FBRSL1: variants seen among roughly 807,000 people sequenced by gnomAD.
FBRSL1 encodes fibrosin-1-like protein.
Under a neutral mutation model 89.6 loss-of-function variants are expected in FBRSL1, and 51 were observed. The observed-to-expected ratio is 0.57, with a 90% confidence interval of 0.45 to 0.72. The LOEUF (loss-of-function observed/expected upper bound fraction) is 0.72. FBRSL1 is among the 30% of genes least tolerant of loss of function. FBRSL1 has a pLI of 0.00. For synonymous variants in FBRSL1, 779 were observed against 681.1 expected (o/e 1.14, Z -2.24); for missense variants, 1,618 against 1,451.8 (o/e 1.11, Z -1.86).
chr12:132,511,051 T>G, intron 2 of FBRSL1: 1 of 985,876 alleles, frequency 1.0e-6, no homozygotes, highest in Non-Finnish European at 1.2e-6. Flanking sequence ...TGGCGAATGG[T>G]GAAGGTGTGG....
At chr12:132,495,231 GA>G (rs1377628117) in intron 1 of FBRSL1, among the ~76,000 whole-genome samples, 1 of 152,256 alleles carries the variant, frequency 6.6e-6, no homozygotes, top group African/African-American at 2.4e-5. Flanking sequence ...GGGCTTCACA[GA>G]GGGGCCAGGG....
chr12:132,510,907 G>A (rs1014420758), intron 2 of FBRSL1: 40 of 1,001,938 alleles, frequency 4.0e-5, no homozygotes, highest in Non-Finnish European at 4.6e-5. Flanking sequence ...TGCCCCTGGC[G>A]TGCCACCTGT....
At chr12:132,529,822 G>A (rs957055397) in intron 4 of FBRSL1, among the ~76,000 whole-genome samples, 7 of 152,078 alleles carry the variant, frequency 4.6e-5, no homozygotes, top group African/African-American at 9.7e-5. Flanking sequence ...CCCAGAGTCC[G>A]TGAGCTGTTG....
intron 14 of FBRSL1, among the ~76,000 whole-genome samples, chr12:132,575,277 G>T (rs983482448): frequency 3.0e-4 from 45 of 152,346 alleles, no homozygotes; most frequent in Non-Finnish European, 6.3e-4. Flanking sequence ...GCCCAGGCTG[G>T]AGTGCAGTGG....
chr12:132,570,377 G>A lies in FBRSL1; in HGVS notation c.1050G>A (p.Ser350=), dbSNP rs773359202. The part of the protein sequence containing the change: ...SAPLGLGKHV[S]LSPHGPGPHL... The stretch of plus-strand genomic sequence containing the variant: ...CCCTGGGCCTGGGGAAGCACGTGTC[G>A]CTGTCGCCACACGGGCCGGGCCCCC... The change falls in exon 8 of 19, where the codon TCG becomes TCA. Residue 350 remains serine, a synonymous_variant. Coordinates refer to ENST00000680143, the MANE Select transcript of FBRSL1 (RefSeq NM_001367871.1). 159 of 1,533,702 alleles carry A rather than the reference G, an allele frequency of 1.0e-4. No homozygotes were observed. The highest frequency in any genetic ancestry group is 9.8e-4 in the African/African-American group (71 of 72,750).
chr12:132,511,558 C>G (rs1267566910), intron 2 of FBRSL1: 2 of 985,558 alleles, frequency 2.0e-6, no homozygotes, highest in Non-Finnish European at 2.4e-6. Context: ...CTCAGGGGAG[C>G]TGGGCAGGCT....
intron 2 of FBRSL1, chr12:132,511,183 C>G (rs2034296652): frequency 1.0e-6 from 1 of 985,356 alleles, no homozygotes; most frequent in Non-Finnish European, 1.2e-6. Flanking sequence ...GACCCGGAGG[C>G]TCCCACCCCC....
At chr12:132,523,270 G>A (rs1367173178) in intron 2 of FBRSL1, among the ~76,000 whole-genome samples, 1 of 152,216 alleles carries the variant, frequency 6.6e-6, no homozygotes, top group East Asian at 1.9e-4. Context: ...TGGGGACAGA[G>A]TGGGGTGACC....
intron 9 of FBRSL1, 46 bp from the exon 10 acceptor site, chr12:132,572,242 C>CGG: frequency 2.0e-6 from 3 of 1,528,464 alleles, no homozygotes; most frequent in Non-Finnish European, 1.8e-6. Flanking sequence ...GGCCCAGCAA[C>CGG]GGTGTCGTGT....
At chr12:132,538,617 G>A (rs1474685264) in intron 4 of FBRSL1, among the ~76,000 whole-genome samples, 5 of 152,236 alleles carry the variant, frequency 3.3e-5, no homozygotes, top group Non-Finnish European at 7.3e-5. Flanking sequence ...ATGGGGCCTT[G>A]GCACTGTGGG....
At position 132,563,966 on chromosome 12, in the gene FBRSL1, G is replaced by A. The variant is rs115264536; in HGVS notation, c.646-3515G>A. On this transcript the variant is annotated intron_variant, in intron 5 of 18. Coordinates refer to ENST00000680143, the MANE Select transcript of FBRSL1 (RefSeq NM_001367871.1). ...CTACGTCTGTACACCCACCCCCGTC[G>A]CCCCGAACCCCTGAGCTCCTGTGCA... Among the ~76,000 whole-genome samples the A allele has an allele frequency of 6.1e-3, 837 of 138,076 alleles. 8 individuals are homozygous for A. Among genetic ancestry groups the A allele is most frequent in the African/African-American group, 0.022 (804 of 36,980 alleles). 90.6% of individuals were successfully genotyped at this position (138,076 alleles called of 152,430 possible). A position where few individuals can be genotyped will look rare whatever the true frequency, so the allele number is the denominator to read the frequency against.
At chr12:132,520,179 T>TACCCCTCCAGCACACCCTCCTTGC (rs1458441635) in intron 2 of FBRSL1, among the ~76,000 whole-genome samples, 3 of 88,122 alleles carry the variant, frequency 3.4e-5, no homozygotes, top group East Asian at 3.1e-4. Flanking sequence ...ACCCTCCTTG[T>TACCCCTCCAGCACACCCTCCTTGC]ACCCCTCCAG....
Position 132,581,725 on chromosome 12 carries a change from G to A in FBRSL1, c.1913-16G>A, listed in dbSNP as rs962280401. On this transcript the variant is annotated splice_polypyrimidine_tract_variant and intron_variant, in intron 16 of 18. Coordinates refer to ENST00000680143, the MANE Select transcript of FBRSL1 (RefSeq NM_001367871.1). ...CACGCCTCACAGACCTCTGGGTCCC[G>A]CGGTTGCCCCCACAGACCCTTTCAG... 2.8e-5 allele frequency: 43 copies of A among 1,549,726 alleles called. No homozygotes were observed. The highest frequency in any genetic ancestry group is 1.7e-4 in the Middle Eastern group (1 of 6,010).
intron 2 of FBRSL1, among the ~76,000 whole-genome samples, chr12:132,521,909 T>C (rs951992781): frequency 5.3e-5 from 8 of 152,282 alleles, no homozygotes; most frequent in African/African-American, 1.9e-4. Context: ...AGTGCGTGCT[T>C]AGAGCCTTGG....
At chr12:132,565,974 G>A (rs529675704) in intron 5 of FBRSL1, 5 of 152,316 alleles carry the variant, frequency 3.3e-5, no homozygotes, top group African/African-American at 1.2e-4. Context: ...GTAATGGATC[G>A]TGGTGACAGG....
Position 132,582,227 on chromosome 12 carries a change from A to G in FBRSL1, c.2162A>G (p.His721Arg). 2 of 1,550,136 alleles carry G rather than the reference A, an allele frequency of 1.3e-6. No individual in the cohort carries two copies. The highest frequency in any genetic ancestry group is 1.7e-6 in the Non-Finnish European group (2 of 1,146,850). ...DAERVSALTN[H>R]DREPDNGKEE... ...GAGCGGGTGTCAGCCCTGACCAACC[A>G]TGACCGAGAGCCGGACAATGGCAAG... Residue 721 changes from histidine (H) to arginine (R), a missense_variant, in exon 18 of 19, where the codon CAT becomes CGT. By Grantham distance (29) the His-to-Arg change is conservative. Coordinates refer to ENST00000680143, the MANE Select transcript of FBRSL1 (RefSeq NM_001367871.1).
At chr12:132,511,100 C>T in intron 2 of FBRSL1, 1 of 985,544 alleles carries the variant, frequency 1.0e-6, no homozygotes, top group South Asian at 4.7e-5. Context: ...TCAGGAGGTG[C>T]TGGTGTCCAC....
chr12:132,531,659 CGTT>C (rs1286575174), intron 4 of FBRSL1, among the ~76,000 whole-genome samples: 2 of 145,818 alleles, frequency 1.4e-5, no homozygotes, highest in Non-Finnish European at 3.0e-5. Flanking sequence ...GTGCACTTGG[CGTT>C]GTGTGTTGTG....
Position 132,571,122 on chromosome 12 carries a change from C to T in FBRSL1, c.1268C>T (p.Ser423Leu). Residue 423 changes from serine to leucine, a missense_variant, in exon 9 of 19, where the codon TCG (serine) becomes TTG (leucine). Ser to Leu is a moderately radical substitution (Grantham distance 145). Transcript: ENST00000680143. ...CCAATCATGTATTGCCAGCCTCATT[C>T]GGGAATTCTGATTGGTACTTGGTCA... is the stretch of plus-strand genomic sequence containing the variant. ...SQPIMYCQPH[S>L]GILIGTWSQA... 1.5e-6 allele frequency: 2 copies of T among 1,371,554 alleles called. No individual in the cohort carries two copies. The highest frequency in any genetic ancestry group is 9.4e-7 in the Non-Finnish European group (1 of 1,063,918). The allele number at this position is 1,371,554 out of a possible 1,614,324, so 85.0% of individuals were successfully genotyped here.
Sources: allele counts gnomAD v4.1 joint callset (sites outside exome capture counted in the v4.1 genomes callset), GRCh38; gene constraint gnomAD v4.1.1; transcripts MANE v1.5; gene names NCBI Gene and HGNC (gene_info 2026-07-23, HGNC 2026-07-21).